The following COTL1 variants were observed in gnomAD, a reference collection of about 807,000 sequenced individuals.
COTL1 encodes coactosin-like protein.
In COTL1, 15 loss-of-function variants were observed where a neutral mutation model predicts 16.5. That is an observed-to-expected ratio of 0.91 (90% CI 0.61 to 1.40). The LOEUF (loss-of-function observed/expected upper bound fraction) is 1.40. COTL1 is among the 40% of genes most tolerant of loss of function. The probability of loss-of-function intolerance (pLI) is 0.00; values close to 1 mark genes in which losing one functional copy is unlikely to be tolerated. For synonymous variants in COTL1, 112 were observed against 85.3 expected, an observed-to-expected ratio of 1.31 and a Z score of -1.73; for missense variants, 220 against 201.5, an observed-to-expected ratio of 1.09 and a Z score of -0.56.
chr16:84,577,902 C>T (rs1904488973), intron 3 of COTL1, among the ~76,000 whole-genome samples: 1 of 152,236 alleles, frequency 6.6e-6, no homozygotes, highest in African/African-American at 2.4e-5. Context: ...ACCTCTTCAG[C>T]ATTTGGGCAA....
In COTL1 at chr16:84,566,727, C is replaced by G; in HGVS notation, c.*118G>C. ...GTGGACACAGGGTGGCGGGCGCTGC[C>G]TCTCATGGCTTCTTTTCTCCCTGGT... On this transcript the variant is annotated 3_prime_UTR_variant, in exon 4 of 4. Transcript: ENST00000262428. 1 of 671,134 alleles carries G rather than the reference C, an allele frequency of 1.5e-6. No individual in the cohort carries two copies. Among genetic ancestry groups the G allele is most frequent in the Non-Finnish European group, 2.6e-6 (1 of 382,216 alleles). 41.6% of individuals were successfully genotyped at this position (671,134 alleles called of 1,614,324 possible).
chr16:84,569,171 A>C (rs1904311239), intron 3 of COTL1: 1 of 152,284 alleles, frequency 6.6e-6, no homozygotes, highest in East Asian at 1.9e-4. Flanking sequence ...AACTACAAAA[A>C]TCAGCCGGGC....
At chr16:84,585,773 C>T (rs1382614418) in intron 3 of COTL1, among the ~76,000 whole-genome samples, 2 of 152,194 alleles carry the variant, frequency 1.3e-5, no homozygotes, top group African/African-American at 2.4e-5. Flanking sequence ...ATATTTGCAA[C>T]TGCAGTATAA....
chr16:84,597,634 G>A (rs536643420), intron 2 of COTL1, among the ~76,000 whole-genome samples: 38 of 152,198 alleles, frequency 2.5e-4, no homozygotes, highest in Admixed American at 9.2e-4. Flanking sequence ...GGAAGAGGTG[G>A]AGAAGAGGAA....
chr16:84,579,935 C>G (rs1161757148), intron 3 of COTL1, among the ~76,000 whole-genome samples: 2 of 152,252 alleles, frequency 1.3e-5, no homozygotes. Flanking sequence ...TCTCCAGATT[C>G]ATTTCTTCAG....
intron 3 of COTL1, among the ~76,000 whole-genome samples, chr16:84,581,978 CTTTTTTTT>C (rs11332563): frequency 2.3e-4 from 15 of 66,036 alleles, no homozygotes; most frequent in South Asian, 6.7e-4. Context: ...TACATTTCTT[CTTTTTTTT>C]TTTTTTTTTT....
intron 3 of COTL1, among the ~76,000 whole-genome samples, chr16:84,584,741 T>C (rs1260085823): frequency 6.6e-6 from 1 of 152,226 alleles, no homozygotes; most frequent in Non-Finnish European, 1.5e-5. Flanking sequence ...TAACAGCTAC[T>C]ACTTCCGGGT....
intron 3 of COTL1, among the ~76,000 whole-genome samples, chr16:84,580,524 C>A (rs1904564051): frequency 6.6e-6 from 1 of 152,208 alleles, no homozygotes; most frequent in Non-Finnish European, 1.5e-5. Context: ...GGGCTCTTAA[C>A]CTCTTTAGTA....
chr16:84,598,039 G>T (rs191841307), intron 2 of COTL1, among the ~76,000 whole-genome samples: 2 of 152,162 alleles, frequency 1.3e-5, no homozygotes, highest in African/African-American at 4.8e-5. Context: ...CAGGGCTGCC[G>T]TCACTGAGGA....
intron 2 of COTL1, chr16:84,596,928 G>C (rs976023725): frequency 6.6e-6 from 1 of 152,346 alleles, no homozygotes. Context: ...ACAACTGTTC[G>C]CTAAGGCAAT....
intron 3 of COTL1, among the ~76,000 whole-genome samples, chr16:84,588,447 C>G (rs542160972): frequency 6.6e-6 from 1 of 152,154 alleles, no homozygotes; most frequent in Non-Finnish European, 1.5e-5. Context: ...ATTTCAACAG[C>G]TTTTCTGTTC....
At chr16:84,567,397 C>G (rs1384801157) in intron 3 of COTL1, 1 of 156,612 alleles carries the variant, frequency 6.4e-6, no homozygotes, top group African/African-American at 2.4e-5. Flanking sequence ...GACAAAAGCT[C>G]AGATTGGTGT....
intron 2 of COTL1, among the ~76,000 whole-genome samples, chr16:84,604,197 C>A (rs2150694033): frequency 2.1e-5 from 2 of 97,080 alleles, no homozygotes; most frequent in Admixed American, 1.0e-4. Flanking sequence ...CCCCTGCGCT[C>A]CCCATCCACA....
intron 3 of COTL1, among the ~76,000 whole-genome samples, chr16:84,571,635 T>C (rs1904338243): frequency 6.6e-6 from 1 of 152,136 alleles, no homozygotes; most frequent in African/African-American, 2.4e-5. Flanking sequence ...CCAAATAAAG[T>C]GTCTACATCT....
intron 2 of COTL1, among the ~76,000 whole-genome samples, chr16:84,608,256 G>A (rs1459543324): frequency 6.6e-6 from 1 of 152,176 alleles, no homozygotes; most frequent in Non-Finnish European, 1.5e-5. Flanking sequence ...CAAAAAGTTT[G>A]CATTAACTTC....
chr16:84,571,942 C>T (rs1198904671), intron 3 of COTL1, among the ~76,000 whole-genome samples: 2 of 152,332 alleles, frequency 1.3e-5, no homozygotes, highest in East Asian at 1.9e-4. Flanking sequence ...TGCTCCCAAG[C>T]CCCCAGAGGC....
At chr16:84,596,823 TG>T (rs1452820959) in intron 2 of COTL1, 1 of 152,832 alleles carries the variant, frequency 6.5e-6, no homozygotes, top group Non-Finnish European at 1.5e-5. Context: ...CACCAGCCCC[TG>T]CCCTCACAAC....
chr16:84,599,074 T>C (rs1905063274), intron 2 of COTL1, among the ~76,000 whole-genome samples: 1 of 151,282 alleles, frequency 6.6e-6, no homozygotes, highest in South Asian at 2.1e-4. Flanking sequence ...TCTGAAGGCT[T>C]GCCCCTCCCC....
At chr16:84,570,298 A>G (rs1053917768) in intron 3 of COTL1, among the ~76,000 whole-genome samples, 1 of 152,142 alleles carries the variant, frequency 6.6e-6, no homozygotes, top group African/African-American at 2.4e-5. Context: ...TAAGTTTGAT[A>G]AGGTCTAAGA....
Sources: allele counts gnomAD v4.1 joint callset (sites outside exome capture counted in the v4.1 genomes callset), GRCh38; gene constraint gnomAD v4.1.1; transcripts MANE v1.5; gene names NCBI Gene and HGNC (gene_info 2026-07-23, HGNC 2026-07-21).